The following KAZN variants were observed in gnomAD, a reference collection of about 807,000 sequenced individuals.
KAZN encodes the protein kazrin.
In KAZN, 40 loss-of-function variants were observed where a neutral mutation model predicts 87.4. The ratio of observed to expected loss-of-function variants is 0.46; its 90% CI spans 0.36 to 0.60. KAZN has a LOEUF of 0.60. Ranked by LOEUF, KAZN falls within the 20% of genes least tolerant of loss-of-function variation. The pLI is 0.00. For missense variants in KAZN, 898 were observed against 1,073.9 expected (o/e 0.84, Z 2.29); for synonymous variants, 466 against 458.3 (o/e 1.02, Z -0.22).
At chr1:14,902,598 A>C (rs746605133) in intron 1 of KAZN, among the ~76,000 whole-genome samples, 11 of 152,110 alleles carry the variant, frequency 7.2e-5, no homozygotes, top group Non-Finnish European at 1.5e-4. Flanking sequence ...GAGCCAGAAA[A>C]ATACAGTTCC....
intron 2 of KAZN, among the ~76,000 whole-genome samples, chr1:14,486,742 G>A (rs1015552534): frequency 1.1e-4 from 17 of 152,186 alleles, no homozygotes; most frequent in Non-Finnish European, 5.9e-5. Flanking sequence ...AGGCTTGGGA[G>A]GAGAATTCCG....
intron 2 of KAZN, among the ~76,000 whole-genome samples, chr1:14,273,709 C>T (rs1373713752): frequency 6.6e-6 from 1 of 152,214 alleles, no homozygotes; most frequent in Non-Finnish European, 1.5e-5. Flanking sequence ...GACCATCTTT[C>T]CTTCTTTGAG....
chr1:14,599,173 CG>C lies in KAZN; in HGVS notation c.181del (p.Asp61ThrfsTer35). On this transcript the variant is annotated frameshift_variant, in exon 1 of 15. Coordinates refer to ENST00000376030, the MANE Select transcript of KAZN (RefSeq NM_201628.3). LOFTEE classifies it high-confidence loss of function. The surrounding 1 kb of genome is among the most constrained non-coding windows in gnomAD (Gnocchi z 4.4). ...GPGAAASASAAGDSAATNMEN... is the reference protein window; with the variant it reads ...GPGAAASASAXGDSAATNMEN... ...GGAGCCGCGGCCAGCGCCTCGGCGG[CG>C]GGGGACTCGGCGGCGACGAACATGG... 2.2e-6 allele frequency: 3 copies of C among 1,377,644 alleles called. No homozygotes were observed. Among genetic ancestry groups the C allele is most frequent in the South Asian group, 3.8e-5 (2 of 52,238 alleles). 85.3% of individuals were successfully genotyped at this position (1,377,644 alleles called of 1,614,324 possible).
At chr1:14,099,261 G>A (rs533007459) in intron 1 of KAZN, among the ~76,000 whole-genome samples, 2 of 152,252 alleles carry the variant, frequency 1.3e-5, no homozygotes, top group Admixed American at 6.5e-5. Context: ...GGTGGGGGAA[G>A]AATCAAACTA....
chr1:14,963,663 T>C (rs1299833205), intron 2 of KAZN, among the ~76,000 whole-genome samples: 3 of 152,236 alleles, frequency 2.0e-5, no homozygotes, highest in Non-Finnish European at 4.4e-5. Context: ...CTGGGTTACA[T>C]GTGCAGAACG....
chr1:15,099,582 C>T lies in KAZN; in HGVS notation c.1548-1961C>T, dbSNP rs924726996. 1.3e-5 allele frequency among the ~76,000 whole-genome samples: 2 copies of T among 152,052 alleles called. No homozygotes were observed. Among genetic ancestry groups the T allele is most frequent in the African/African-American group, 2.4e-5 (1 of 41,390 alleles). On this transcript the variant is annotated intron_variant, in intron 10 of 14. Coordinates refer to ENST00000376030, the MANE Select transcript of KAZN (RefSeq NM_201628.3). The surrounding 1 kb of genome is among the most constrained non-coding windows in gnomAD (Gnocchi z 5.4). The stretch of plus-strand genomic sequence containing the variant: ...AGAGCTCAGTGCCTCCAGGAAACGG[C>T]CCCCAGGACCCCAAGCCCCATGTGC...
chr1:14,711,259 C>A (rs1642470642), intron 1 of KAZN, among the ~76,000 whole-genome samples: 1 of 151,870 alleles, frequency 6.6e-6, no homozygotes, highest in Admixed American at 6.6e-5. Context: ...GTAGTCCCAG[C>A]CACTTGGGAG....
chr1:14,837,566 T>C (rs1408835141), intron 1 of KAZN, among the ~76,000 whole-genome samples: 1 of 150,374 alleles, frequency 6.7e-6, no homozygotes, highest in Non-Finnish European at 1.5e-5. Context: ...TTTTTTTTTT[T>C]TTTTGAGACA....
intron 1 of KAZN, among the ~76,000 whole-genome samples, chr1:14,834,820 GTATTA>G (rs1647173771): frequency 6.6e-6 from 1 of 152,130 alleles, no homozygotes; most frequent in African/African-American, 2.4e-5. Context: ...ATTAGTATTA[GTATTA>G]GTATTAGTAT....
intron 2 of KAZN, among the ~76,000 whole-genome samples, chr1:15,026,909 A>G (rs950011005): frequency 1.3e-5 from 2 of 151,674 alleles, no homozygotes; most frequent in South Asian, 2.1e-4. Flanking sequence ...TGCAAATACT[A>G]TGTTTCATCG....
At chr1:14,092,190 A>G (rs139092822) in intron 1 of KAZN, among the ~76,000 whole-genome samples, 2,370 of 146,954 alleles carry the variant, frequency 0.016, 50 homozygotes, top group African/African-American at 0.057. Context: ...TCCCGGGTTC[A>G]TGAAATTCTC....
Position 15,114,801 on chromosome 1 carries a change from A to G in KAZN, c.*166A>G, listed in dbSNP as rs915712787. 6.3e-6 allele frequency: 4 copies of G among 632,868 alleles called. No homozygotes were observed. Among genetic ancestry groups the G allele is most frequent in the Non-Finnish European group, 1.1e-5 (4 of 377,024 alleles). The allele number at this position is 632,868 out of a possible 1,614,324, so 39.2% of individuals were successfully genotyped here. On this transcript the variant is annotated 3_prime_UTR_variant, in exon 15 of 15. Transcript: ENST00000376030. ...CTGCGGTTTCAGCTCCACAGCGCCC[A>G]GGAGAGAGAAGACACCAGCCCACCT...
chr1:13,981,107 ATATG>A lies in KAZN; in HGVS notation c.91+87355_91+87358del, dbSNP rs947729147. Among the ~76,000 whole-genome samples the A allele has an allele frequency of 9.7e-4, 130 of 134,360 alleles. 2 individuals carry two copies. The highest frequency in any genetic ancestry group is 3.4e-3 in the African/African-American group (123 of 36,012). The allele number at this position is 134,360 out of a possible 152,430, so 88.1% of individuals were successfully genotyped here. On this transcript the variant is annotated intron_variant, in intron 1 of 16. Transcript: ENST00000636203. ...TTACTCTTTATATATATATATATATATATGTATATATAAACACAGATTATATATA... is the reference window on the plus strand; with the variant it reads ...TTACTCTTTATATATATATATATATATATATATAAACACAGATTATATATA...
intron 2 of KAZN, among the ~76,000 whole-genome samples, chr1:14,968,180 G>A (rs1177940290): frequency 2.0e-5 from 3 of 151,036 alleles, no homozygotes; most frequent in South Asian, 4.2e-4. Flanking sequence ...TAGGGGTGAC[G>A]GGAGACAGTG....
intron 3 of KAZN, among the ~76,000 whole-genome samples, chr1:15,039,845 A>G (rs1488685945): frequency 1.8e-4 from 27 of 152,222 alleles, no homozygotes; most frequent in Non-Finnish European, 8.8e-5. Flanking sequence ...CCTTGTGGCT[A>G]TGACTGCCGG....
In KAZN at chr1:14,320,506, C is replaced by G. The variant is rs77229369; in HGVS notation, c.249+139914C>G. 9.7e-3 allele frequency among the ~76,000 whole-genome samples: 1,470 copies of G among 152,176 alleles called. 20 individuals carry two copies. Among genetic ancestry groups the G allele is most frequent in the African/African-American group, 0.033 (1,383 of 41,486 alleles). ...GGATTGTATTTCTCTACCCTACACA[C>G]CTGCAACCCCCCATTGCTCCATAAT... On this transcript the variant is annotated intron_variant, in intron 2 of 16. Transcript: ENST00000636203.
chr1:14,939,330 C>T (rs867773774), intron 1 of KAZN, among the ~76,000 whole-genome samples: 5 of 152,124 alleles, frequency 3.3e-5, no homozygotes, highest in Middle Eastern at 3.4e-3. Flanking sequence ...AGTGCCATGG[C>T]AGGATCATTG....
At position 14,356,677 on chromosome 1, in the gene KAZN, T is replaced by G. The variant is rs553096666; in HGVS notation, c.249+176085T>G. ...AGTTTTCCCAACACCATTTATTAAA[T>G]AGGGAATCCTTTCCCCATTGCTTGT... On this transcript the variant is annotated intron_variant, in intron 2 of 16. Transcript: ENST00000636203. 2.4e-3 allele frequency among the ~76,000 whole-genome samples: 371 copies of G among 152,324 alleles called. 3 individuals are homozygous for G. The highest frequency in any genetic ancestry group is 8.6e-3 in the African/African-American group (359 of 41,578).
At chr1:14,071,210 C>A (rs1326887402) in intron 1 of KAZN, among the ~76,000 whole-genome samples, 1 of 152,086 alleles carries the variant, frequency 6.6e-6, no homozygotes, top group East Asian at 1.9e-4. Flanking sequence ...GTCACTCTTG[C>A]CTGCAGTTAA....
Sources: gnomAD v4.1 joint callset for allele counts (sites outside exome capture counted in the v4.1 genomes callset) on GRCh38, gnomAD v4.1.1 for gene constraint, Gnocchi (gnomAD v3.1) non-coding constraint, MANE v1.5 for transcripts, NCBI Gene and HGNC (gene_info 2026-07-23, HGNC 2026-07-21) for gene names.